CSMD2: variants seen among roughly 807,000 people sequenced by gnomAD.
The protein encoded by CSMD2 is CUB and sushi domain-containing protein 2.
A neutral mutation model predicts 398.5 loss-of-function variants in CSMD2; 130 were observed. The ratio of observed to expected loss-of-function variants is 0.33; its 90% CI spans 0.28 to 0.38. The LOEUF is 0.38. CSMD2 is among the 10% of genes least tolerant of loss of function. The pLI is 1.00. For missense variants in CSMD2, 3,829 were observed against 4,764.9 expected, an observed-to-expected ratio of 0.80 and a Z score of 5.78; for synonymous variants, 1,828 against 1,908.5, an observed-to-expected ratio of 0.96 and a Z score of 1.10.
chr1:33,605,506 C>A (rs369378598), intron 41 of CSMD2, 36 bp from the exon 42 acceptor site: 1 of 1,604,472 alleles, frequency 6.2e-7, no homozygotes, highest in South Asian at 1.1e-5. Flanking sequence ...ACTTTATTCT[C>A]TCTGACCAGA....
intron 3 of CSMD2, among the ~76,000 whole-genome samples, chr1:33,966,056 G>A (rs1385077771): frequency 6.6e-6 from 1 of 152,164 alleles, no homozygotes; most frequent in Non-Finnish European, 1.5e-5. Context: ...ACCTGCTCTG[G>A]GGAGACAAGG....
chr1:33,577,477 G>A lies in CSMD2; in HGVS notation c.7395C>T (p.Tyr2465=). 6.2e-6 allele frequency: 10 copies of A among 1,610,178 alleles called. No individual in the cohort carries two copies. Among genetic ancestry groups the A allele is most frequent in the Non-Finnish European group, 8.5e-6 (10 of 1,177,196 alleles). Residue 2465 remains tyrosine (Y), a synonymous_variant, in exon 49 of 71, where the codon TAC becomes TAT. Coordinates refer to ENST00000373381, the MANE Select transcript of CSMD2 (RefSeq NM_001281956.2). The part of the protein sequence containing the change: ...KGFKIRYSAP[Y]CSLPRAPLHG... The stretch of plus-strand genomic sequence containing the variant: ...GGAGTGGAGCCCTGGGCAGGCTGCA[G>A]TAAGGGGCTGAACAACAAGATGAGG...
intron 49 of CSMD2, among the ~76,000 whole-genome samples, chr1:33,575,514 AAC>A (rs1659989582): frequency 6.6e-6 from 1 of 152,094 alleles, no homozygotes; most frequent in African/African-American, 2.4e-5. Context: ...GATTCCAGAG[AAC>A]ACAGTGGGAG....
intron 19 of CSMD2, among the ~76,000 whole-genome samples, chr1:33,719,106 G>A (rs1646270352): frequency 6.6e-6 from 1 of 152,180 alleles, no homozygotes; most frequent in Admixed American, 6.5e-5. Context: ...TCACTGGTTG[G>A]GAAGGCTTCA....
intron 1 of CSMD2, among the ~76,000 whole-genome samples, chr1:34,089,413 T>C (rs1658300859): frequency 2.0e-5 from 3 of 152,142 alleles, no homozygotes; most frequent in Admixed American, 1.3e-4. Flanking sequence ...TTGTGTATCA[T>C]TTAATCAAGG....
intron 12 of CSMD2, among the ~76,000 whole-genome samples, chr1:33,780,252 C>G (rs1336549341): frequency 6.6e-6 from 1 of 152,192 alleles, no homozygotes; most frequent in Non-Finnish European, 1.5e-5. Flanking sequence ...ACCAGGACAT[C>G]TTCGGTGCAT....
At chr1:33,989,112 T>C (rs1646466656) in intron 3 of CSMD2, among the ~76,000 whole-genome samples, 1 of 142,914 alleles carries the variant, frequency 7.0e-6, no homozygotes, top group African/African-American at 2.6e-5. Flanking sequence ...ATATGAATTA[T>C]ATAGAAATAA....
chr1:33,550,104 C>T (rs934994791), intron 56 of CSMD2, 73 bp downstream of exon 56: 2 of 1,492,986 alleles, frequency 1.3e-6, no homozygotes, highest in East Asian at 2.3e-5. Flanking sequence ...CACACTCACA[C>T]CTTGGGGGCT....
chr1:33,711,757 C>T (rs1227895755), intron 21 of CSMD2, among the ~76,000 whole-genome samples: 1 of 152,166 alleles, frequency 6.6e-6, no homozygotes, highest in Non-Finnish European at 1.5e-5. Flanking sequence ...CTGCTTCCTG[C>T]ATAAGAGCTA....
At position 33,819,807 on chromosome 1, in the gene CSMD2, G is replaced by A. The variant is rs201673760; in HGVS notation, c.1230C>T (p.Asn410=). 102 of 1,614,096 alleles carry A rather than the reference G, an allele frequency of 6.3e-5. No individual in the cohort carries two copies. In the Middle Eastern group the frequency reaches 1.8e-3, roughly 29 times the overall value. Residue 410 remains asparagine (N), a synonymous_variant, in exon 9 of 71, where the codon AAC becomes AAT. Transcript: ENST00000373381. ...RLGSSVQFTC[N]EGYDLQGSKR... The stretch of plus-strand genomic sequence containing the variant: ...TGGACCCTTGCAGGTCATAGCCCTC[G>A]TTGCAGGTGAACTGGACGCTGGATC...
chr1:33,883,934 G>T (rs1343363804), intron 5 of CSMD2, among the ~76,000 whole-genome samples: 2 of 152,182 alleles, frequency 1.3e-5, no homozygotes, highest in Non-Finnish European at 2.9e-5. Context: ...GAGCTGGGCA[G>T]GGCGGGGCTG....
chr1:34,163,248 T>C lies in CSMD2; in HGVS notation c.187+1663A>G, dbSNP rs530575673. 3.5e-4 allele frequency among the ~76,000 whole-genome samples: 54 copies of C among 152,314 alleles called. No homozygotes were observed. The highest frequency in any genetic ancestry group is 6.6e-4 in the Non-Finnish European group (45 of 68,022). On this transcript the variant is annotated intron_variant, in intron 1 of 70. Coordinates refer to ENST00000373381, the MANE Select transcript of CSMD2 (RefSeq NM_001281956.2). The surrounding 1 kb of genome is among the most constrained non-coding windows in gnomAD (Gnocchi z 5.4). ...GTAGCAGCGATTCCCCCACCGCCCA[T>C]GTGGCAAGTCTGGGTGACCAGCAGC...
chr1:33,567,527 G>C, intron 53 of CSMD2, 66 bp downstream of exon 53: 2 of 1,491,894 alleles, frequency 1.3e-6, no homozygotes, highest in Non-Finnish European at 1.9e-6. Context: ...ATCTAATTAA[G>C]AGACAGGGAG....
intron 1 of CSMD2, among the ~76,000 whole-genome samples, chr1:34,098,444 TAAAAAGAAAA>T (rs1034505291): frequency 3.4e-5 from 5 of 148,238 alleles, no homozygotes; most frequent in Admixed American, 1.3e-4. Context: ...AATAAATAAA[TAAAAAGAAAA>T]AAAAAGAAAA....
intron 5 of CSMD2, among the ~76,000 whole-genome samples, chr1:33,899,165 A>C (rs1220575819): frequency 6.6e-6 from 1 of 152,244 alleles, no homozygotes; most frequent in African/African-American, 2.4e-5. Context: ...CGCTGATGGC[A>C]GTCTGTCCCA....
chr1:33,619,467 T>G (rs1031625257), intron 37 of CSMD2, among the ~76,000 whole-genome samples: 3 of 152,242 alleles, frequency 2.0e-5, no homozygotes, highest in African/African-American at 7.2e-5. Flanking sequence ...TGAGTCCTCA[T>G]GCCACATTCA....
chr1:34,077,725 A>G (rs923474737), intron 2 of CSMD2, among the ~76,000 whole-genome samples: 5 of 138,328 alleles, frequency 3.6e-5, no homozygotes, highest in Non-Finnish European at 7.7e-5. Context: ...CCACACAGCA[A>G]GACTCCATCT....
intron 41 of CSMD2, among the ~76,000 whole-genome samples, chr1:33,608,957 T>G (rs576588454): frequency 1.3e-5 from 2 of 152,312 alleles, no homozygotes; most frequent in Admixed American, 1.3e-4. Context: ...TGAGAGGACA[T>G]ATTTGGGACC....
chr1:34,114,708 G>C (rs1279401337), intron 1 of CSMD2, among the ~76,000 whole-genome samples: 1 of 152,128 alleles, frequency 6.6e-6, no homozygotes, highest in Non-Finnish European at 1.5e-5. Context: ...AAAAAAAAAG[G>C]AAGGGTGGTG....
Sources: allele counts gnomAD v4.1 joint callset (sites outside exome capture counted in the v4.1 genomes callset), GRCh38; gene constraint gnomAD v4.1.1; non-coding constraint Gnocchi (gnomAD v3.1); transcripts MANE v1.5; gene names NCBI Gene and HGNC (gene_info 2026-07-23, HGNC 2026-07-21).